Variants in NWD2 observed in about 807,000 individuals in gnomAD.
The protein encoded by NWD2 is NACHT and WD repeat domain containing 2, also known as NACHT and WD repeat domain-containing protein 2.
NWD2 carries 37 observed loss-of-function variants against 132.7 expected under a neutral mutation model. The observed-to-expected ratio is 0.28, with a 90% CI of 0.21 to 0.37. The LOEUF is 0.37. NWD2 is among the 10% of genes least tolerant of loss of function. The pLI, the probability that NWD2 is intolerant of heterozygous loss-of-function variation, is 1.00. For missense variants in NWD2, 1,592 were observed against 2,122.4 expected, an observed-to-expected ratio of 0.75 and a Z score of 4.91; for synonymous variants, 705 against 803.0, an observed-to-expected ratio of 0.88 and a Z score of 2.06.
chr4:37,390,101 A>G (rs1012815423), intron 3 of NWD2, among the ~76,000 whole-genome samples: 1 of 151,952 alleles, frequency 6.6e-6, no homozygotes, highest in African/African-American at 2.4e-5. Flanking sequence ...AATCATAAGC[A>G]TTTTGTTTTA....
chr4:37,389,617 G>C (rs1478901464), intron 3 of NWD2, among the ~76,000 whole-genome samples: 1 of 152,132 alleles, frequency 6.6e-6, no homozygotes, highest in East Asian at 1.9e-4. Flanking sequence ...CCTGCCTCAC[G>C]GGTGGTAGTG....
At chr4:37,264,890 C>T (rs769035140) in intron 1 of NWD2, among the ~76,000 whole-genome samples, 1 of 152,106 alleles carries the variant, frequency 6.6e-6, no homozygotes, top group Admixed American at 6.6e-5. Context: ...GAGTCTGCTT[C>T]TGGCATAACT....
chr4:37,282,748 C>CACTAA (rs1294734428), intron 1 of NWD2, among the ~76,000 whole-genome samples: 2 of 152,168 alleles, frequency 1.3e-5, no homozygotes, highest in Admixed American at 6.6e-5. Flanking sequence ...AAAGCTACAC[C>CACTAA]ATGAGTATCC....
At chr4:37,256,554 A>C (rs1717524812) in intron 1 of NWD2, among the ~76,000 whole-genome samples, 1 of 152,224 alleles carries the variant, frequency 6.6e-6, no homozygotes, top group Non-Finnish European at 1.5e-5. Flanking sequence ...TGGAATTCAG[A>C]AACTACTGAA....
At chr4:37,293,863 T>A (rs1265076348) in intron 1 of NWD2, among the ~76,000 whole-genome samples, 8 of 148,138 alleles carry the variant, frequency 5.4e-5, no homozygotes, top group African/African-American at 1.0e-4. Flanking sequence ...TAACAAATGT[T>A]AAGCCCAGGG....
chr4:37,428,228 G>A (rs1712060743), intron 3 of NWD2, among the ~76,000 whole-genome samples: 1 of 152,198 alleles, frequency 6.6e-6, no homozygotes, highest in Non-Finnish European at 1.5e-5. Context: ...GGCAATAGAA[G>A]TAGTCAGAAA....
In NWD2 at chr4:37,391,757, C is replaced by T. The variant is rs973561940; in HGVS notation, c.357+35275C>T. Among the ~76,000 whole-genome samples, 6 of 152,316 alleles carry T rather than the reference C, an allele frequency of 3.9e-5. No individual in the cohort carries two copies. The East Asian group carries it at 1.2e-3, about 29-fold the overall frequency. On this transcript the variant is annotated intron_variant, in intron 3 of 6. Coordinates refer to ENST00000309447, the MANE Select transcript of NWD2 (RefSeq NM_001144990.2). ...TGAGGAAGCTGAGACATGGAGACCT[C>T]GCTGGGTGACCCCATCGGCCCCCAC...
chr4:37,403,405 C>A (rs1242017495), intron 3 of NWD2, among the ~76,000 whole-genome samples: 1 of 152,106 alleles, frequency 6.6e-6, no homozygotes, highest in Non-Finnish European at 1.5e-5. Flanking sequence ...ATAATTAAAG[C>A]AGCCACATGT....
At chr4:37,282,558 T>A (rs1718150008) in intron 1 of NWD2, among the ~76,000 whole-genome samples, 1 of 152,192 alleles carries the variant, frequency 6.6e-6, no homozygotes, top group African/African-American at 2.4e-5. Context: ...CTTGCACAAT[T>A]TGAGTTGTAA....
intron 3 of NWD2, among the ~76,000 whole-genome samples, chr4:37,357,429 A>T (rs1253430603): frequency 6.6e-6 from 1 of 152,190 alleles, no homozygotes; most frequent in Non-Finnish European, 1.5e-5. Flanking sequence ...GCTGATGGTA[A>T]ATTTCTTACC....
At chr4:37,409,819 C>T (rs1721119262) in intron 3 of NWD2, among the ~76,000 whole-genome samples, 1 of 152,164 alleles carries the variant, frequency 6.6e-6, no homozygotes, top group Non-Finnish European at 1.5e-5. Flanking sequence ...CTGCAGAAAG[C>T]CTACAAGCCA....
At chr4:37,366,102 C>T (rs1720094338) in intron 3 of NWD2, among the ~76,000 whole-genome samples, 1 of 152,040 alleles carries the variant, frequency 6.6e-6, no homozygotes. Flanking sequence ...TAGAGGAACC[C>T]CCAAATCACT....
At chr4:37,322,803 G>C (rs1719095397) in intron 1 of NWD2, among the ~76,000 whole-genome samples, 1 of 152,136 alleles carries the variant, frequency 6.6e-6, no homozygotes, top group African/African-American at 2.4e-5. Flanking sequence ...TAGAATGAGA[G>C]AACTTATTGA....
intron 1 of NWD2, among the ~76,000 whole-genome samples, chr4:37,302,331 T>C (rs1044421440): frequency 6.6e-6 from 1 of 152,068 alleles, no homozygotes; most frequent in Admixed American, 6.6e-5. Context: ...ATTGAGTATA[T>C]TTACCATAAT....
intron 1 of NWD2, among the ~76,000 whole-genome samples, chr4:37,281,465 C>T (rs1000515896): frequency 6.6e-6 from 1 of 152,014 alleles, no homozygotes; most frequent in Admixed American, 6.6e-5. Flanking sequence ...GAAAGAGATC[C>T]TTAAGCCATG....
chr4:37,439,460 A>T lies in NWD2; in HGVS notation c.1296+70A>T, dbSNP rs1264084893. The T allele has an allele frequency of 9.6e-7, 1 of 1,046,700 alleles. No homozygotes were observed. The highest frequency in any genetic ancestry group is 1.6e-5 in the African/African-American group (1 of 61,974). 64.8% of individuals were successfully genotyped at this position (1,046,700 alleles called of 1,614,324 possible). A position where few individuals can be genotyped will look rare whatever the true frequency, so the allele number is the denominator to read the frequency against. The stretch of plus-strand genomic sequence containing the variant: ...TTTTGGAAAATGGTAAATTAATCAA[A>T]TTCATTTCTACTTTCTGAGTTTACT... On this transcript the variant is annotated intron_variant, in intron 6 of 6. Coordinates refer to ENST00000309447, the MANE Select transcript of NWD2 (RefSeq NM_001144990.2). The surrounding 1 kb of genome is among the most constrained non-coding windows in gnomAD (Gnocchi z 4.5).
In NWD2 at chr4:37,444,132, T is replaced by G; in HGVS notation, c.2144T>G (p.Leu715Arg). Residue 715 changes from leucine to arginine, a missense_variant, in exon 7 of 7, where the codon CTC becomes CGC. Coordinates refer to ENST00000309447, the MANE Select transcript of NWD2 (RefSeq NM_001144990.2). The surrounding 1 kb of genome is among the most constrained non-coding windows in gnomAD (Gnocchi z 4.8). The part of the protein sequence containing the change: ...YLYIARLKEG[L>R]SGYLIERHVK... ...TACATTGCAAGGCTCAAGGAGGGTC[T>G]CAGTGGATACCTAATAGAAAGACAT... is the stretch of plus-strand genomic sequence containing the variant. 1 of 1,551,746 alleles carries G rather than the reference T, an allele frequency of 6.4e-7. No homozygotes were observed. Among genetic ancestry groups the G allele is most frequent in the Non-Finnish European group, 8.7e-7 (1 of 1,147,006 alleles).
intron 1 of NWD2, among the ~76,000 whole-genome samples, chr4:37,301,143 T>A (rs980400026): frequency 1.3e-5 from 2 of 152,126 alleles, no homozygotes; most frequent in Admixed American, 6.6e-5. Flanking sequence ...ATGAAGATAA[T>A]CTATAGTCTT....
intron 1 of NWD2, among the ~76,000 whole-genome samples, chr4:37,263,531 C>G (rs560418741): frequency 6.6e-6 from 1 of 152,222 alleles, no homozygotes; most frequent in Admixed American, 6.5e-5. Flanking sequence ...GTTTCCTCAT[C>G]TTTGAAATGG....
Sources: gnomAD v4.1 joint callset for allele counts (sites outside exome capture counted in the v4.1 genomes callset) on GRCh38, gnomAD v4.1.1 for gene constraint, Gnocchi (gnomAD v3.1) non-coding constraint, MANE v1.5 for transcripts, NCBI Gene and HGNC (gene_info 2026-07-23, HGNC 2026-07-21) for gene names.